Variants in RAD51AP2 observed in about 807,000 individuals in gnomAD.
RAD51AP2 encodes RAD51-associated protein 2.
RAD51AP2 carries 67 observed loss-of-function variants against 85.5 expected under a neutral mutation model. That is an observed-to-expected ratio of 0.78 (90% CI 0.64 to 0.96). The LOEUF is 0.96. RAD51AP2 is among the 40% of genes least tolerant of loss of function. The pLI, the probability that RAD51AP2 is intolerant of heterozygous loss-of-function variation, is 0.00. For missense variants in RAD51AP2, 1,307 were observed against 1,332.4 expected, an observed-to-expected ratio of 0.98 and a Z score of 0.30; for synonymous variants, 474 against 446.5, an observed-to-expected ratio of 1.06 and a Z score of -0.78.
At chr2:17,523,838 C>G in the RAD51AP2 span, among the ~76,000 whole-genome samples, 12 of 151,928 alleles carry the variant, frequency 7.9e-5, no homozygotes, top group Non-Finnish European at 1.6e-4. Flanking sequence ...CTCCCTCTAT[C>G]ATTATCTAGG....
At position 17,517,633 on chromosome 2, in the gene RAD51AP2, C is replaced by T; in HGVS notation, c.783G>A (p.Gln261=). The part of the protein sequence containing the change: ...FRDSGTISVP[Q]FPMDLNSKMS... The stretch of plus-strand genomic sequence containing the variant: ...TTTTGCTATTTAAGTCCATTGGAAA[C>T]TGAGGGACACTTATTGTGCCGCTAT... The change falls in exon 1 of 3, where the codon CAG becomes CAA. Residue 261 remains glutamine, a synonymous_variant. Coordinates refer to ENST00000399080, the MANE Select transcript of RAD51AP2 (RefSeq NM_001099218.3). The T allele has an allele frequency of 6.2e-7, 1 of 1,614,042 alleles. No homozygotes were observed. The highest frequency in any genetic ancestry group is 8.5e-7 in the Non-Finnish European group (1 of 1,179,986).
chr2:17,516,987 C>G lies in RAD51AP2; in HGVS notation c.1429G>C (p.Val477Leu). Residue 477 changes from valine to leucine, a missense_variant, in exon 1 of 3, where the codon GTT becomes CTT. By Grantham distance (32) the Val-to-Leu change is conservative. Around this residue, in one of 3 missense-constraint regions of RAD51AP2, gnomAD observed 635 missense variants for 643.6 expected, o/e 0.99. Coordinates refer to ENST00000399080, the MANE Select transcript of RAD51AP2 (RefSeq NM_001099218.3). ...LGSQTALITT[V>L]WLNGKGENDN... ...TTTTCTCCTTTACCATTTAGCCAAA[C>G]AGTCGTTATTAAAGCTGTCTGACTA... 6.3e-7 allele frequency: 1 copy of G among 1,597,546 alleles called. No individual in the cohort carries two copies. The highest frequency in any genetic ancestry group is 8.5e-7 in the Non-Finnish European group (1 of 1,175,456).
chr2:17,524,183 A>C, the RAD51AP2 span, among the ~76,000 whole-genome samples: 1 of 151,956 alleles, frequency 6.6e-6, no homozygotes, highest in African/African-American at 2.4e-5. Flanking sequence ...TGCCTCTCAC[A>C]ATTTGCCACA....
chr2:17,516,974 C>T lies in RAD51AP2; in HGVS notation c.1442G>A (p.Gly481Asp). ...TAGAGTATTATCATTTTCTCCTTTA[C>T]CATTTAGCCAAACAGTCGTTATTAA... ...TALITTVWLN[G>D]KGENDNTLQL... The change falls in exon 1 of 3, where the codon GGT (glycine) becomes GAT (aspartate). Residue 481 changes from glycine (G) to aspartate (D), a missense_variant. Physicochemically the swap from Gly to Asp is moderately conservative, Grantham distance 94. Transcript: ENST00000399080. 1 of 1,596,398 alleles carries T rather than the reference C, an allele frequency of 6.3e-7. No homozygotes were observed. Among genetic ancestry groups the T allele is most frequent in the Non-Finnish European group, 8.5e-7 (1 of 1,175,016 alleles).
the RAD51AP2 span, among the ~76,000 whole-genome samples, chr2:17,527,797 A>T: frequency 6.6e-6 from 1 of 152,170 alleles, no homozygotes; most frequent in Non-Finnish European, 1.5e-5. Context: ...GTATTGAAGA[A>T]AGTGCTATTG....
chr2:17,537,149 T>G, the RAD51AP2 span, among the ~76,000 whole-genome samples: 2 of 152,082 alleles, frequency 1.3e-5, no homozygotes, highest in South Asian at 2.1e-4. Flanking sequence ...GCAAGACACC[T>G]GTTTCTACAA....
upstream of RAD51AP2, among the ~76,000 whole-genome samples, chr2:17,520,263 A>C (rs1200230857): frequency 2.0e-5 from 3 of 152,208 alleles, no homozygotes; most frequent in Non-Finnish European, 4.4e-5. Flanking sequence ...GGCCACTGCC[A>C]TTTCAAACAA....
In RAD51AP2 at chr2:17,515,504, A is replaced by G; in HGVS notation, c.2912T>C (p.Val971Ala). The change falls in exon 1 of 3, where the codon GTA (valine) becomes GCA (alanine). Residue 971 changes from valine (V) to alanine (A), a missense_variant. By Grantham distance (64) the Val-to-Ala change is moderately conservative. This residue lies in a region of RAD51AP2 where 668 missense variants were observed against 671.0 expected (regional missense o/e 1.00). Coordinates refer to ENST00000399080, the MANE Select transcript of RAD51AP2 (RefSeq NM_001099218.3). ...DFEMKRKFDLVLEELRMFHEI... is the reference protein window; with the variant it reads ...DFEMKRKFDLALEELRMFHEI... Reference sequence around the variant, plus strand: ...ATGAAACATACGAAGTTCTTCAAGTACTAAGTCAAATTTTCTCTTCATCTC... The same window carrying G: ...ATGAAACATACGAAGTTCTTCAAGTGCTAAGTCAAATTTTCTCTTCATCTC... 6.2e-7 allele frequency: 1 copy of G among 1,612,878 alleles called. No homozygotes were observed. Among genetic ancestry groups the G allele is most frequent in the South Asian group, 1.1e-5 (1 of 90,696 alleles).
chr2:17,526,538 T>C, the RAD51AP2 span, among the ~76,000 whole-genome samples: 1 of 152,178 alleles, frequency 6.6e-6, no homozygotes, highest in Non-Finnish European at 1.5e-5. Flanking sequence ...GTTTGATTTA[T>C]AGACGAAGTG....
upstream of RAD51AP2, among the ~76,000 whole-genome samples, chr2:17,519,428 G>T (rs982426560): frequency 6.6e-6 from 1 of 151,826 alleles, no homozygotes; most frequent in Non-Finnish European, 1.5e-5. Context: ...TAAACACCTC[G>T]ATTCCCTTGG....
intron 1 of RAD51AP2, 58 bp from the exon 2 acceptor site, chr2:17,514,150 G>T: frequency 1.1e-6 from 1 of 912,262 alleles, no homozygotes; most frequent in Non-Finnish European, 1.7e-6. Context: ...AAATATTAAT[G>T]GTATAAACAA....
rs372759300 is a variant in RAD51AP2 at position 17,518,223 on chromosome 2, C to G, written c.193G>C (p.Glu65Gln). Reference protein sequence around the residue: ...PRLSEAEKVWELSPRPFKGLL... With the variant: ...PRLSEAEKVWQLSPRPFKGLL... Reference sequence around the variant, plus strand: ...CCCTTGAAGGGTCTAGGGGACAACTCCCAGACTTTTTCCGCCTCAGACAAG... The same window carrying G: ...CCCTTGAAGGGTCTAGGGGACAACTGCCAGACTTTTTCCGCCTCAGACAAG... Residue 65 changes from glutamate to glutamine, a missense_variant, in exon 1 of 3, where the codon GAG (glutamate) becomes CAG (glutamine). By Grantham distance (29) the Glu-to-Gln change is conservative. This residue lies in a region of RAD51AP2 where 635 missense variants were observed against 643.6 expected (regional missense o/e 0.99). Coordinates refer to ENST00000399080, the MANE Select transcript of RAD51AP2 (RefSeq NM_001099218.3). The G allele has an allele frequency of 3.1e-6, 5 of 1,614,032 alleles. No individual in the cohort carries two copies. Among genetic ancestry groups the G allele is most frequent in the Admixed American group, 3.3e-5 (2 of 59,998 alleles).
chr2:17,516,537 C>A lies in RAD51AP2; in HGVS notation c.1879G>T (p.Ala627Ser), dbSNP rs777061609. The change falls in exon 1 of 3, where the codon GCA becomes TCA. Residue 627 changes from alanine (A) to serine (S), a missense_variant. Physicochemically the swap from Ala to Ser is moderately conservative, Grantham distance 99. Coordinates refer to ENST00000399080, the MANE Select transcript of RAD51AP2 (RefSeq NM_001099218.3). ...YPKNIVENHT[A>S]YLVKILTSSR... The stretch of plus-strand genomic sequence containing the variant: ...GAAGTTAAAATCTTTACTAGATATG[C>A]AGTATGATTTTCCACTATATTTTTT... 5.1e-6 allele frequency: 8 copies of A among 1,557,360 alleles called. No homozygotes were observed. The South Asian group carries it at 9.3e-5, about 18-fold the overall frequency.
chr2:17,511,376 T>C (rs1051561185), intron 2 of RAD51AP2, among the ~76,000 whole-genome samples: 6 of 152,152 alleles, frequency 3.9e-5, no homozygotes, highest in African/African-American at 1.4e-4. Context: ...TTGTCAATAA[T>C]AGAACACAAA....
chr2:17,534,603 A>G, the RAD51AP2 span, among the ~76,000 whole-genome samples: 2 of 152,054 alleles, frequency 1.3e-5, no homozygotes, highest in African/African-American at 2.4e-5. Context: ...GGCCTTCCTA[A>G]GGAGTTGATC....
the RAD51AP2 span, among the ~76,000 whole-genome samples, chr2:17,527,755 A>G: frequency 6.6e-6 from 1 of 152,188 alleles, no homozygotes; most frequent in Non-Finnish European, 1.5e-5. Flanking sequence ...TATCATAAGG[A>G]TGAGGGTGAG....
At chr2:17,530,417 A>G in the RAD51AP2 span, among the ~76,000 whole-genome samples, 2 of 151,904 alleles carry the variant, frequency 1.3e-5, no homozygotes, top group African/African-American at 4.8e-5. Flanking sequence ...TGGTGTCCCT[A>G]AAGACATAAA....
chr2:17,517,967 C>G lies in RAD51AP2; in HGVS notation c.449G>C (p.Ser150Thr). 6.2e-7 allele frequency: 1 copy of G among 1,614,168 alleles called. No individual in the cohort carries two copies. The highest frequency in any genetic ancestry group is 8.5e-7 in the Non-Finnish European group (1 of 1,180,026). ...AAGTTGACTAACCCCTGCTTTGGAG[C>G]TATTACTGCGGTGCACACTGAAAGC... ...REAFSVHRSN[S>T]SKAGVSQLLP... is the part of the protein sequence containing the mutation. Residue 150 changes from serine to threonine, a missense_variant, in exon 1 of 3, where the codon AGC (serine) becomes ACC (threonine). Around this residue, in one of 3 missense-constraint regions of RAD51AP2, gnomAD observed 635 missense variants for 643.6 expected, o/e 0.99. Coordinates refer to ENST00000399080, the MANE Select transcript of RAD51AP2 (RefSeq NM_001099218.3).
At chr2:17,518,554 C>G, upstream of RAD51AP2, 2 of 1,073,320 alleles carry the variant, frequency 1.9e-6, no homozygotes, top group Non-Finnish European at 2.6e-6. Context: ...TGCCCCACCC[C>G]GAATCCGCCC....
Sources: allele counts gnomAD v4.1 joint callset (sites outside exome capture counted in the v4.1 genomes callset), GRCh38; gene constraint gnomAD v4.1.1; regional missense constraint gnomAD v4.1.1; transcripts MANE v1.5; gene names NCBI Gene and HGNC (gene_info 2026-07-23, HGNC 2026-07-21).